The following PDGFD variants were observed in gnomAD, a reference collection of about 807,000 sequenced individuals.
The protein encoded by PDGFD is platelet derived growth factor D, also known as platelet-derived growth factor D.
In PDGFD, 30 loss-of-function variants were observed where a neutral mutation model predicts 44.7. That is an observed-to-expected ratio of 0.67 (90% CI 0.50 to 0.91). The LOEUF is 0.91. PDGFD is among the 40% of genes least tolerant of loss of function. The probability of loss-of-function intolerance (pLI) is 0.00; values close to 1 mark genes in which losing one functional copy is unlikely to be tolerated. For synonymous variants in PDGFD, 173 were observed against 168.4 expected (o/e 1.03, Z -0.21); for missense variants, 445 against 457.8 (o/e 0.97, Z 0.25).
intron 5 of PDGFD, among the ~76,000 whole-genome samples, chr11:103,942,344 A>C (rs1858597958): frequency 6.6e-6 from 1 of 152,148 alleles, no homozygotes; most frequent in South Asian, 2.1e-4. Context: ...ATTCAATAAG[A>C]GGCAACTATA....
chr11:104,091,514 T>C (rs1425549390), intron 1 of PDGFD, among the ~76,000 whole-genome samples: 3 of 152,160 alleles, frequency 2.0e-5, no homozygotes, highest in Non-Finnish European at 4.4e-5. Context: ...ATTTACATTG[T>C]ATTAACTGCA....
intron 1 of PDGFD, among the ~76,000 whole-genome samples, chr11:104,049,889 G>A (rs1565320967): frequency 6.6e-6 from 1 of 152,136 alleles, no homozygotes; most frequent in African/African-American, 2.4e-5. Context: ...GGTTAGAAGG[G>A]GGTTGAGGAG....
chr11:103,980,483 T>A (rs954013195), intron 3 of PDGFD, among the ~76,000 whole-genome samples: 22 of 152,106 alleles, frequency 1.4e-4, no homozygotes, highest in African/African-American at 5.1e-4. Flanking sequence ...CATTGCTGAA[T>A]ACAGCTAGTT....
intron 3 of PDGFD, among the ~76,000 whole-genome samples, chr11:103,977,277 G>A (rs573736236): frequency 1.4e-4 from 21 of 152,192 alleles, no homozygotes; most frequent in Non-Finnish European, 2.6e-4. Flanking sequence ...AGAGGAGCTG[G>A]TACCATTCCT....
At chr11:103,998,359 C>T (rs1485469040) in intron 2 of PDGFD, among the ~76,000 whole-genome samples, 1 of 152,154 alleles carries the variant, frequency 6.6e-6, no homozygotes, top group Non-Finnish European at 1.5e-5. Context: ...TTTGGCTCCA[C>T]CCCTAGACCT....
chr11:104,020,802 C>T (rs1859937774), intron 1 of PDGFD, among the ~76,000 whole-genome samples: 2 of 152,076 alleles, frequency 1.3e-5, no homozygotes, highest in Admixed American at 1.3e-4. Flanking sequence ...AACTATAATG[C>T]TAATATAAAA....
intron 1 of PDGFD, among the ~76,000 whole-genome samples, chr11:104,059,841 T>C (rs1374415703): frequency 1.3e-5 from 2 of 152,258 alleles, no homozygotes; most frequent in Non-Finnish European, 2.9e-5. Flanking sequence ...TCTTAGCTTA[T>C]ATATCTTGAT....
At chr11:104,142,353 T>C (rs1386430420) in intron 1 of PDGFD, among the ~76,000 whole-genome samples, 3 of 152,070 alleles carry the variant, frequency 2.0e-5, no homozygotes, top group Non-Finnish European at 4.4e-5. Context: ...TGTACATATA[T>C]ACACACATAT....
At position 103,943,473 on chromosome 11, in the gene PDGFD, A is replaced by G. The variant is rs773696093; in HGVS notation, c.751T>C (p.Tyr251His). 1.6e-5 allele frequency: 26 copies of G among 1,612,434 alleles called. No homozygotes were observed. Among genetic ancestry groups the G allele is most frequent in the Non-Finnish European group, 2.2e-5 (26 of 1,179,382 alleles). Residue 251 changes from tyrosine (Y) to histidine (H), a missense_variant, in exon 5 of 7, where the codon TAC (tyrosine) becomes CAC (histidine). Tyr to His is a moderately conservative substitution (Grantham distance 83). Transcript: ENST00000393158. ...LDTPRYRGRS[Y>H]HDRKSKVDLD... The stretch of plus-strand genomic sequence containing the variant: ...TTACCTTTTGACTTCCGGTCATGGT[A>G]TGACCTGCCTCGATACCGAGGGGTG...
intron 1 of PDGFD, among the ~76,000 whole-genome samples, chr11:104,108,837 G>C (rs1861505615): frequency 6.6e-6 from 1 of 152,126 alleles, no homozygotes; most frequent in Non-Finnish European, 1.5e-5. Context: ...TTAAGAAAAT[G>C]TGGCACATAT....
chr11:104,109,223 T>A (rs1044806575), intron 1 of PDGFD, among the ~76,000 whole-genome samples: 3 of 152,148 alleles, frequency 2.0e-5, no homozygotes, highest in East Asian at 3.9e-4. Context: ...AATGCATAAC[T>A]AACATCATGT....
At chr11:103,944,284 C>T (rs557910109) in intron 4 of PDGFD, among the ~76,000 whole-genome samples, 1 of 152,224 alleles carries the variant, frequency 6.6e-6, no homozygotes, top group South Asian at 2.1e-4. Flanking sequence ...CTATAGTTTG[C>T]TAGTGATCCC....
chr11:103,991,343 T>C lies in PDGFD; in HGVS notation c.510+4722A>G, dbSNP rs528458441. ...CTTCCTTCTCCTCCTCCCTTCTCCA[T>C]CTTCTTCCTTTTCTTCTTTTTCTAT... On this transcript the variant is annotated intron_variant, in intron 3 of 6. Transcript: ENST00000393158. Among the ~76,000 whole-genome samples, 3 of 152,222 alleles carry C rather than the reference T, an allele frequency of 2.0e-5. No individual in the cohort carries two copies. The South Asian group carries it at 6.2e-4, about 32-fold the overall frequency.
At chr11:104,071,241 G>A (rs1284375080) in intron 1 of PDGFD, among the ~76,000 whole-genome samples, 1 of 151,820 alleles carries the variant, frequency 6.6e-6, no homozygotes, top group Non-Finnish European at 1.5e-5. Flanking sequence ...AAAATGGTAT[G>A]TCATAATAAC....
At chr11:104,119,572 T>C (rs1228859822) in intron 1 of PDGFD, among the ~76,000 whole-genome samples, 1 of 93,026 alleles carries the variant, frequency 1.1e-5, no homozygotes, top group African/African-American at 4.5e-5. Flanking sequence ...TATAATATAT[T>C]AATATAATAT....
intron 5 of PDGFD, among the ~76,000 whole-genome samples, chr11:103,938,731 A>G (rs1336167528): frequency 6.6e-6 from 1 of 152,196 alleles, no homozygotes; most frequent in Non-Finnish European, 1.5e-5. Flanking sequence ...TAATTTTTGT[A>G]TAAGGTGTAA....
chr11:103,965,255 T>C (rs1858998162), intron 3 of PDGFD, among the ~76,000 whole-genome samples: 1 of 152,158 alleles, frequency 6.6e-6, no homozygotes, highest in Non-Finnish European at 1.5e-5. Flanking sequence ...ATTTTGAAGC[T>C]ACAGTAAACA....
intron 3 of PDGFD, among the ~76,000 whole-genome samples, chr11:103,982,202 C>G (rs186767731): frequency 6.6e-6 from 1 of 151,846 alleles, no homozygotes; most frequent in East Asian, 1.9e-4. Flanking sequence ...GCAAGTCTTT[C>G]AGATTACTAT....
chr11:104,102,935 G>C (rs1281168999), intron 1 of PDGFD, among the ~76,000 whole-genome samples: 3 of 152,074 alleles, frequency 2.0e-5, no homozygotes, highest in Non-Finnish European at 4.4e-5. Flanking sequence ...TTGTGGGCTG[G>C]GGGGAGAGGG....
Sources: gnomAD v4.1 joint callset for allele counts (sites outside exome capture counted in the v4.1 genomes callset) on GRCh38, gnomAD v4.1.1 for gene constraint, MANE v1.5 for transcripts, NCBI Gene and HGNC (gene_info 2026-07-23, HGNC 2026-07-21) for gene names.